Variants in TRPC5 observed in about 807,000 individuals in gnomAD.
TRPC5 encodes the protein short transient receptor potential channel 5.
TRPC5 carries 9 observed loss-of-function variants against 56.5 expected under a neutral mutation model. That is an observed-to-expected ratio of 0.16 (90% CI 0.10 to 0.28). The LOEUF is 0.28. Ranked by LOEUF, TRPC5 falls within the 10% of genes least tolerant of loss-of-function variation. The probability of loss-of-function intolerance (pLI) is 1.00; values close to 1 mark genes in which losing one functional copy is unlikely to be tolerated. For synonymous variants in TRPC5, 282 were observed against 278.5 expected (o/e 1.01, Z -0.13); for missense variants, 469 against 748.9 (o/e 0.63, Z 4.36).
At chrX:111,920,600 GA>G (rs144817730) in intron 2 of TRPC5, among the ~76,000 whole-genome samples, 266 of 107,364 alleles carry the variant, frequency 2.5e-3, no homozygotes, top group Non-Finnish European at 4.2e-3. Context: ...GCTATTCTTT[GA>G]AAAAAAAAAT....
intron 1 of TRPC5, among the ~76,000 whole-genome samples, chrX:111,992,112 G>T (rs372470015): frequency 8.9e-6 from 1 of 112,088 alleles, no homozygotes; most frequent in East Asian, 2.8e-4. Flanking sequence ...GAGCCAGTAT[G>T]ATCCTTTGGC....
At chrX:111,989,953 G>C (rs779041565) in intron 1 of TRPC5, among the ~76,000 whole-genome samples, 1 of 112,564 alleles carries the variant, frequency 8.9e-6, no homozygotes, top group Non-Finnish European at 1.9e-5. Context: ...GGAAAATGAA[G>C]GCACAAGAAG....
At chrX:111,798,665 A>G (rs942493632) in intron 7 of TRPC5, among the ~76,000 whole-genome samples, 2 of 111,965 alleles carry the variant, frequency 1.8e-5, no homozygotes, top group African/African-American at 3.2e-5. Context: ...ATAAAAAAAA[A>G]AGGAAATTTG....
intron 1 of TRPC5, among the ~76,000 whole-genome samples, chrX:112,073,533 G>A (rs1361427878): frequency 4.5e-5 from 5 of 111,525 alleles, no homozygotes; most frequent in African/African-American, 1.3e-4. Context: ...GCCTCCCAAA[G>A]TGGTGGGATT....
At chrX:111,811,278 A>G (rs983631741) in intron 7 of TRPC5, among the ~76,000 whole-genome samples, 6 of 112,991 alleles carry the variant, frequency 5.3e-5, no homozygotes, top group African/African-American at 1.9e-4. Flanking sequence ...CAATCCAAAA[A>G]TATGTAAGGA....
At chrX:111,913,624 A>C (rs1925884492) in intron 2 of TRPC5, among the ~76,000 whole-genome samples, 1 of 111,353 alleles carries the variant, frequency 9.0e-6, no homozygotes, top group East Asian at 2.8e-4. Flanking sequence ...CTTCCGGGTG[A>C]GTGTGCAGAA....
At chrX:111,989,448 C>T (rs1050687243) in intron 1 of TRPC5, among the ~76,000 whole-genome samples, 7 of 111,288 alleles carry the variant, frequency 6.3e-5, no homozygotes, top group Non-Finnish European at 1.1e-4. Flanking sequence ...TTTTTTGGCT[C>T]GCCCACTCTA....
At chrX:111,893,164 CA>C (rs1924891601) in intron 3 of TRPC5, among the ~76,000 whole-genome samples, 1 of 103,794 alleles carries the variant, frequency 9.6e-6, no homozygotes, top group Non-Finnish European at 2.0e-5. Context: ...CATATACAAA[CA>C]AACAACCACA....
intron 2 of TRPC5, among the ~76,000 whole-genome samples, chrX:111,937,269 G>A (rs776249299): frequency 8.6e-5 from 9 of 104,182 alleles, no homozygotes; most frequent in South Asian, 8.2e-4. Context: ...AGTAGGTTGC[G>A]AAAATTTTCT....
chrX:111,860,087 T>A (rs1449199471), intron 3 of TRPC5, among the ~76,000 whole-genome samples: 1 of 112,257 alleles, frequency 8.9e-6, no homozygotes, highest in African/African-American at 3.2e-5. Context: ...TTTTTTGTAT[T>A]TTAGTAGAGA....
intron 1 of TRPC5, among the ~76,000 whole-genome samples, chrX:112,028,711 T>G (rs768965728): frequency 4.4e-5 from 5 of 112,435 alleles, no homozygotes; most frequent in African/African-American, 1.6e-4. Context: ...GTCTTTGCTA[T>G]TGTGAATAGT....
intron 1 of TRPC5, among the ~76,000 whole-genome samples, chrX:112,047,361 C>T (rs1930067239): frequency 9.0e-6 from 1 of 111,148 alleles, no homozygotes; most frequent in Admixed American, 9.5e-5. Context: ...ATTGTTAGGC[C>T]TCACCCCCAG....
intron 7 of TRPC5, among the ~76,000 whole-genome samples, chrX:111,796,995 T>A (rs1921119624): frequency 8.9e-6 from 1 of 112,625 alleles, no homozygotes; most frequent in African/African-American, 3.2e-5. Context: ...CTTTCTTTAC[T>A]TGCACATGAG....
At position 111,778,972 on chromosome X, in the gene TRPC5, A is replaced by G; in HGVS notation, c.2232+13T>C. The G allele has an allele frequency of 8.7e-7, 1 of 1,143,159 alleles. No individual in the cohort carries two copies. The highest frequency in any genetic ancestry group is 1.9e-5 in the South Asian group (1 of 51,706). The allele number at this position is 1,143,159 out of a possible 1,213,427, so 94.2% of individuals were successfully genotyped here. A position where few individuals can be genotyped will look rare whatever the true frequency, so the allele number is the denominator to read the frequency against. ...GATATGTAAAATGAAAAACCACTTCATGATTAAATTACCTTAAAATTTTCT... is the reference window on the plus strand; with the variant it reads ...GATATGTAAAATGAAAAACCACTTCGTGATTAAATTACCTTAAAATTTTCT... On this transcript the variant is annotated intron_variant, in intron 10 of 10. Coordinates refer to ENST00000262839, the MANE Select transcript of TRPC5 (RefSeq NM_012471.3).
At chrX:112,040,824 A>T in intron 1 of TRPC5, among the ~76,000 whole-genome samples, 1 of 112,130 alleles carries the variant, frequency 8.9e-6, no homozygotes. Flanking sequence ...TCCCACAAGA[A>T]TATACTCTGA....
intron 7 of TRPC5, among the ~76,000 whole-genome samples, chrX:111,792,487 G>A (rs1010932308): frequency 9.0e-6 from 1 of 111,523 alleles, no homozygotes; most frequent in East Asian, 2.8e-4. Context: ...TTAAAAAAAA[G>A]CACTACCCTC....
intron 1 of TRPC5, among the ~76,000 whole-genome samples, chrX:111,968,783 C>T (rs1401698856): frequency 3.5e-5 from 3 of 85,122 alleles, no homozygotes; most frequent in Non-Finnish European, 6.4e-5. Flanking sequence ...AATGAGAACA[C>T]GTGGACACAG....
At chrX:111,778,557 T>C (rs1356785265) in intron 10 of TRPC5, among the ~76,000 whole-genome samples, 2 of 111,921 alleles carry the variant, frequency 1.8e-5, no homozygotes, top group Non-Finnish European at 3.8e-5. Flanking sequence ...ACTAGTATAA[T>C]TTTAATGTTT....
At position 111,771,076 on chromosome X, in the gene TRPC5, C is replaced by T. The variant is rs1263529152; in HGVS notation, c.*5237G>A. On this transcript the variant is annotated 3_prime_UTR_variant, in exon 11 of 11. Coordinates refer to ENST00000262839, the MANE Select transcript of TRPC5 (RefSeq NM_012471.3). ...CTACTTCAGTTAGTCTTTTTTGGTT[C>T]TATCAAGTCACTGGAGTTATAAAGA... Among the ~76,000 whole-genome samples, 1 of 111,506 alleles carries T rather than the reference C, an allele frequency of 9.0e-6. No homozygotes were observed. Among genetic ancestry groups the T allele is most frequent in the Non-Finnish European group, 1.9e-5 (1 of 53,046 alleles).
Sources: allele counts gnomAD v4.1 joint callset (sites outside exome capture counted in the v4.1 genomes callset), GRCh38; gene constraint gnomAD v4.1.1; transcripts MANE v1.5; gene names NCBI Gene and HGNC (gene_info 2026-07-23, HGNC 2026-07-21).